Variants in MOB4 observed in about 807,000 individuals in gnomAD.
MOB4 encodes the protein MOB family member 4, phocein.
A neutral mutation model predicts 32.2 loss-of-function variants in MOB4; 4 were observed. The observed-to-expected ratio is 0.12, with a 90% CI of 0.06 to 0.28. The LOEUF (loss-of-function observed/expected upper bound fraction) is 0.28, where lower values mean the gene tolerates loss of function less well. Among genes scored for constraint, MOB4 ranks in the 10% least tolerant of loss-of-function variants. The pLI is 1.00. For missense variants in MOB4, 158 were observed against 271.2 expected (o/e 0.58, Z 2.93); for synonymous variants, 88 against 88.1 (o/e 1.00, Z 0.01).
intron 2 of MOB4, among the ~76,000 whole-genome samples, chr2:197,525,378 A>AT (rs1416187296): frequency 2.0e-5 from 3 of 151,340 alleles, no homozygotes; most frequent in Non-Finnish European, 4.4e-5. Flanking sequence ...AGCTATTCGG[A>AT]TTTGTTATGT....
At chr2:197,520,442 C>A (rs896264171) in intron 1 of MOB4, among the ~76,000 whole-genome samples, 2 of 152,062 alleles carry the variant, frequency 1.3e-5, no homozygotes, top group East Asian at 3.9e-4. Flanking sequence ...AAACTTTATT[C>A]ATTTTATATA....
At chr2:197,533,767 T>C in intron 2 of MOB4, 1 of 456,026 alleles carries the variant, frequency 2.2e-6, no homozygotes, top group South Asian at 1.9e-5. Context: ...CCTTTCCCTG[T>C]CATCATGGTG....
chr2:197,527,683 C>T (rs1052099269), intron 2 of MOB4, among the ~76,000 whole-genome samples: 9 of 152,108 alleles, frequency 5.9e-5, no homozygotes, highest in Admixed American at 4.6e-4. Context: ...TGTTGAATAG[C>T]GGTGGTGAAA....
chr2:197,530,168 C>G (rs1268940645), intron 2 of MOB4, among the ~76,000 whole-genome samples: 1 of 152,156 alleles, frequency 6.6e-6, no homozygotes, highest in Non-Finnish European at 1.5e-5. Flanking sequence ...CGGGGTTTCA[C>G]CTTCTTGGCC....
intron 2 of MOB4, among the ~76,000 whole-genome samples, chr2:197,530,190 G>T (rs979016258): frequency 6.6e-6 from 1 of 152,002 alleles, no homozygotes. Flanking sequence ...GGCTGGTCTT[G>T]AACTCCTGAC....
At position 197,535,553 on chromosome 2, in the gene MOB4, A is replaced by C; in HGVS notation, c.147A>C (p.Ala49=). ...AGTATATTCAACAGAACATAAGAGC[A>C]GATTGCTCCAATATTGACAAAATTC... ...VQQYIQQNIR[A]DCSNIDKILE... Residue 49 remains alanine (A), a synonymous_variant, in exon 3 of 8, where the codon GCA becomes GCC. Transcript: ENST00000323303. 4.3e-6 allele frequency: 7 copies of C among 1,611,230 alleles called. No homozygotes were observed. The highest frequency in any genetic ancestry group is 3.4e-6 in the Non-Finnish European group (4 of 1,179,480).
chr2:197,519,130 A>G (rs2086469601), intron 1 of MOB4, among the ~76,000 whole-genome samples: 1 of 152,066 alleles, frequency 6.6e-6, no homozygotes, highest in African/African-American at 2.4e-5. Flanking sequence ...TCCTGACCTC[A>G]AGTGATCTTC....
At chr2:197,520,561 C>T (rs1032570416) in intron 1 of MOB4, among the ~76,000 whole-genome samples, 3 of 152,106 alleles carry the variant, frequency 2.0e-5, no homozygotes, top group African/African-American at 7.2e-5. Context: ...TTGGTTTACT[C>T]TTACCTCCTC....
chr2:197,534,210 TAGGCAAAATTG>T (rs1425109955), intron 2 of MOB4, among the ~76,000 whole-genome samples: 1 of 152,218 alleles, frequency 6.6e-6, no homozygotes, highest in African/African-American at 2.4e-5. Context: ...TTGTCTGAAG[TAGGCAAAATTG>T]ATTGGCTCAA....
At chr2:197,535,840 GT>G (rs756772370) in intron 3 of MOB4, among the ~76,000 whole-genome samples, 192 of 151,538 alleles carry the variant, frequency 1.3e-3, no homozygotes, top group Non-Finnish European at 2.3e-3. Flanking sequence ...ATTTTGAAAG[GT>G]GGTTTATTTC....
rs1291849493 is a variant in MOB4, at chr2:197,528,593, A to ATTTTCT, written c.123+4930_123+4935dup. Among the ~76,000 whole-genome samples the ATTTTCT allele has an allele frequency of 8.2e-3, 1,202 of 146,928 alleles. 23 individuals carry two copies. Among genetic ancestry groups the ATTTTCT allele is most frequent in the African/African-American group, 0.028 (1,127 of 39,612 alleles). The stretch of plus-strand genomic sequence containing the variant: ...CTGCTCCCTGCTCCTGATGTTCCCA[A>ATTTTCT]TTTTCTTTTTCTTTTTCTTTTTCTT... On this transcript the variant is annotated intron_variant, in intron 2 of 7. Coordinates refer to ENST00000323303, the MANE Select transcript of MOB4 (RefSeq NM_015387.5).
At chr2:197,528,755 A>G (rs1340001179) in intron 2 of MOB4, among the ~76,000 whole-genome samples, 3 of 151,018 alleles carry the variant, frequency 2.0e-5, no homozygotes, top group South Asian at 2.1e-4. Flanking sequence ...AGCTGGGACT[A>G]CAGGCGCCCG....
chr2:197,517,764 T>A (rs2086440448), intron 1 of MOB4, among the ~76,000 whole-genome samples: 2 of 152,226 alleles, frequency 1.3e-5, no homozygotes, highest in African/African-American at 4.8e-5. Context: ...TGAATTTCGT[T>A]TAGTGAAATG....
upstream of MOB4, chr2:197,516,007 G>A: frequency 7.0e-7 from 1 of 1,436,654 alleles, no homozygotes; most frequent in Non-Finnish European, 9.5e-7. Flanking sequence ...CAGACGCAGA[G>A]CGCCGCTCTG....
rs772619540 is a variant in MOB4, at chr2:197,548,377, T to A, written c.396T>A (p.Ala132=). 6.8e-6 allele frequency: 11 copies of A among 1,612,084 alleles called. No homozygotes were observed. In the African/African-American group the frequency reaches 1.5e-4, roughly 22 times the overall value. ...IDYTRHTLDG[A]ACLLNSNKYF... is the part of the protein sequence containing the mutation. ...ATACTAGACACACACTTGATGGTGCTGCATGTCTTCTGAATAGCAATAAAT... is the reference window on the plus strand; with the variant it reads ...ATACTAGACACACACTTGATGGTGCAGCATGTCTTCTGAATAGCAATAAAT... Residue 132 remains alanine (A), a synonymous_variant, in exon 6 of 8, where the codon GCT becomes GCA. Coordinates refer to ENST00000323303, the MANE Select transcript of MOB4 (RefSeq NM_015387.5).
chr2:197,551,894 A>T lies in MOB4; in HGVS notation c.*1248A>T, dbSNP rs2087104722. ...AGGTCTTATTGCCAAACTGATTGTA[A>T]TGAGGCAGTAAGGGTGAAAACATTG... On this transcript the variant is annotated 3_prime_UTR_variant, in exon 8 of 8. Coordinates refer to ENST00000323303, the MANE Select transcript of MOB4 (RefSeq NM_015387.5). The T allele has an allele frequency of 6.6e-6, 1 of 152,356 alleles. No homozygotes were observed. Among genetic ancestry groups the T allele is most frequent in the Non-Finnish European group, 1.5e-5 (1 of 68,028 alleles). The allele number at this position is 152,356 out of a possible 1,614,324, so 9.4% of individuals were successfully genotyped here. A position where few individuals can be genotyped will look rare whatever the true frequency, so the allele number is the denominator to read the frequency against.
chr2:197,516,742 T>A (rs1204372372), intron 1 of MOB4: 1 of 471,532 alleles, frequency 2.1e-6, no homozygotes, highest in Non-Finnish European at 4.4e-6. Flanking sequence ...ATCACTAAGT[T>A]GTGACTTGTT....
intron 2 of MOB4, 99 bp from the exon 3 acceptor site, chr2:197,535,431 A>C: frequency 8.9e-7 from 1 of 1,126,362 alleles, no homozygotes; most frequent in Non-Finnish European, 1.2e-6. Context: ...CCCAAGTTGA[A>C]CCACAAGAGC....
intron 5 of MOB4, among the ~76,000 whole-genome samples, chr2:197,546,991 A>C (rs774781223): frequency 2.6e-5 from 4 of 152,200 alleles, no homozygotes; most frequent in Non-Finnish European, 5.9e-5. Flanking sequence ...TATGCCTGTA[A>C]ACCCAGCACT....
Sources: gnomAD v4.1 joint callset for allele counts (sites outside exome capture counted in the v4.1 genomes callset) on GRCh38, gnomAD v4.1.1 for gene constraint, MANE v1.5 for transcripts, NCBI Gene and HGNC (gene_info 2026-07-23, HGNC 2026-07-21) for gene names.